Variants in B4GALNT4 observed in about 807,000 individuals in gnomAD.
B4GALNT4 encodes beta-1,4-N-acetyl-galactosaminyltransferase 4.
A neutral mutation model predicts 110.0 loss-of-function variants in B4GALNT4; 77 were observed. That is an observed-to-expected ratio of 0.70 (90% CI 0.58 to 0.85). The LOEUF (loss-of-function observed/expected upper bound fraction) is 0.85. Ranked by LOEUF, B4GALNT4 falls within the 40% of genes least tolerant of loss-of-function variation. The pLI, the probability that B4GALNT4 is intolerant of heterozygous loss-of-function variation, is 0.00. For synonymous variants in B4GALNT4, 785 were observed against 655.5 expected (o/e 1.20, Z -3.02); for missense variants, 1,575 against 1,506.0 (o/e 1.05, Z -0.76).
At chr11:377,759 G>C (rs939418291) in intron 14 of B4GALNT4, among the ~76,000 whole-genome samples, 2 of 152,224 alleles carry the variant, frequency 1.3e-5, no homozygotes, top group Non-Finnish European at 1.5e-5. Context: ...CTCTCCCCTC[G>C]CAGTGCCCCT....
chr11:376,368 C>A lies in B4GALNT4; in HGVS notation c.1297+17C>A, dbSNP rs1301351362. The A allele has an allele frequency of 3.7e-6, 6 of 1,604,990 alleles. No homozygotes were observed. Among genetic ancestry groups the A allele is most frequent in the Admixed American group, 3.4e-5 (2 of 59,336 alleles). ...ACCCGGACGGTGAGTGTCCGCAGCG[C>A]CCCTGGCCCGCACCCACCTGCGCAG... On this transcript the variant is annotated intron_variant, in intron 13 of 19. Transcript: ENST00000329962.
At chr11:370,883 C>T (rs1402983258) in intron 1 of B4GALNT4, among the ~76,000 whole-genome samples, 6 of 152,102 alleles carry the variant, frequency 3.9e-5, no homozygotes, top group Admixed American at 1.3e-4. Context: ...TGTACCGGGA[C>T]GCCTGGACCC....
At position 377,299 on chromosome 11, in the gene B4GALNT4, A is replaced by G. The variant is rs1469764174; in HGVS notation, c.2176A>G (p.Met726Val). Residue 726 changes from methionine to valine, a missense_variant, in exon 14 of 20, where the codon ATG becomes GTG. Transcript: ENST00000329962. The part of the protein sequence containing the change: ...AEAVDVTAQY[M>V]ERLNARHGGR... ...GGCCGTGGACGTGACCGCTCAGTAC[A>G]TGGAGCGGCTGAACGCGCGCCACGG... The G allele has an allele frequency of 3.8e-6, 6 of 1,568,998 alleles. No individual in the cohort carries two copies. The highest frequency in any genetic ancestry group is 5.2e-6 in the Non-Finnish European group (6 of 1,160,996).
At chr11:377,473 C>G (rs915256860) in intron 14 of B4GALNT4, 146 bp downstream of exon 14, 4 of 871,640 alleles carry the variant, frequency 4.6e-6, no homozygotes, top group Non-Finnish European at 6.4e-6. Context: ...GCGCCCCACC[C>G]CAGGGAAGCC....
At chr11:375,553 TG>T in intron 9 of B4GALNT4, 26 bp downstream of exon 9, 1 of 1,607,820 alleles carries the variant, frequency 6.2e-7, no homozygotes. Flanking sequence ...TCTGGGGATG[TG>T]GGGCTCCTCG....
chr11:374,339 C>T (rs572507386), intron 8 of B4GALNT4, among the ~76,000 whole-genome samples: 13 of 151,518 alleles, frequency 8.6e-5, no homozygotes, highest in Non-Finnish European at 1.6e-4. Flanking sequence ...AGGGAGGTGG[C>T]TGTGGGGATG....
At chr11:372,510 C>T in intron 2 of B4GALNT4, 152 bp from the exon 3 acceptor site, 1 of 752,504 alleles carries the variant, frequency 1.3e-6, no homozygotes, top group Non-Finnish European at 2.3e-6. Flanking sequence ...GTGCCAGGTG[C>T]CACAGGTCAG....
chr11:374,523 C>T (rs1846685667), intron 8 of B4GALNT4, among the ~76,000 whole-genome samples: 1 of 140,026 alleles, frequency 7.1e-6, no homozygotes, highest in Non-Finnish European at 1.6e-5. Context: ...CTGTGGAGGC[C>T]CCAGGATGAG....
At chr11:372,988 G>T (rs764807062) in intron 4 of B4GALNT4, 38 bp from the exon 5 acceptor site, 2 of 1,612,290 alleles carry the variant, frequency 1.2e-6, no homozygotes, top group Non-Finnish European at 1.7e-6. Context: ...GGCAGGGCAC[G>T]CAGGGGGCTT....
rs1846862318 is a variant in B4GALNT4, at chr11:380,871, G to A, written c.2916G>A (p.Ser972=). ...TTGGCCTTTTTGGGATCTACAAGTC[G>A]GACTTTGACCGGGTTGGAGGAATGA... ...NGFGLFGIYK[S]DFDRVGGMNT... The change falls in exon 19 of 20, where the codon TCG becomes TCA. Residue 972 remains serine (S), a synonymous_variant. Transcript: ENST00000329962. 3.7e-6 allele frequency: 6 copies of A among 1,613,796 alleles called. No homozygotes were observed. Among genetic ancestry groups the A allele is most frequent in the Non-Finnish European group, 4.2e-6 (5 of 1,179,882 alleles).
rs76591572 is a variant in B4GALNT4, at chr11:377,785, G to A, written c.2204+458G>A. Among the ~76,000 whole-genome samples the A allele has an allele frequency of 9.4e-3, 1,427 of 152,354 alleles. 27 individuals carry two copies. Among genetic ancestry groups the A allele is most frequent in the African/African-American group, 0.033 (1,384 of 41,580 alleles). ...CAGTGCCCCTGGGCGTTCCCAGACTGTCAGGACCCGACTGCAGAGGAAGGT... is the reference window on the plus strand; with the variant it reads ...CAGTGCCCCTGGGCGTTCCCAGACTATCAGGACCCGACTGCAGAGGAAGGT... On this transcript the variant is annotated intron_variant, in intron 14 of 19. Coordinates refer to ENST00000329962, the MANE Select transcript of B4GALNT4 (RefSeq NM_178537.5).
Position 373,807 on chromosome 11 carries a change from C to A in B4GALNT4, c.762C>A (p.Gly254=), listed in dbSNP as rs1239372985. The change falls in exon 8 of 20, where the codon GGC becomes GGA. Residue 254 remains glycine (G), a synonymous_variant. Transcript: ENST00000329962. ...FELLHKQDDR[G]SDHVEVGWRA... is the part of the protein sequence containing the mutation. ...TGCTGCACAAGCAGGACGACCGCGG[C>A]TCGGACCACGTGGAAGTGGGCGTGA... The A allele has an allele frequency of 6.2e-7, 1 of 1,612,020 alleles. No individual in the cohort carries two copies. The highest frequency in any genetic ancestry group is 8.5e-7 in the Non-Finnish European group (1 of 1,179,844).
Position 380,186 on chromosome 11 carries a change from G to A in B4GALNT4, c.2699G>A (p.Gly900Glu). 6 of 1,603,260 alleles carry A rather than the reference G, an allele frequency of 3.7e-6. No individual in the cohort carries two copies. The highest frequency in any genetic ancestry group is 5.1e-6 in the Non-Finnish European group (6 of 1,172,792). The change falls in exon 17 of 20, where the codon GGA becomes GAA. Residue 900 changes from glycine to glutamate, a missense_variant. By Grantham distance (98) the Gly-to-Glu change is moderately conservative. Coordinates refer to ENST00000329962, the MANE Select transcript of B4GALNT4 (RefSeq NM_178537.5). Reference sequence around the variant, plus strand: ...GAGCGCTCCGCCGGGCTGCAGGCGGGAGTGGACGCGGTAGAGGTCCGAGGG... The same window carrying A: ...GAGCGCTCCGCCGGGCTGCAGGCGGAAGTGGACGCGGTAGAGGTCCGAGGG... ...NFERSAGLQA[G>E]VDAVEDASSI...
chr11:370,937 A>G (rs943442442), intron 1 of B4GALNT4, among the ~76,000 whole-genome samples: 3 of 152,016 alleles, frequency 2.0e-5, no homozygotes, highest in Non-Finnish European at 4.4e-5. Flanking sequence ...CACATACCTC[A>G]CAGCTTCCAC....
intron 1 of B4GALNT4, among the ~76,000 whole-genome samples, chr11:371,583 A>C (rs1026711662): frequency 6.6e-5 from 10 of 152,368 alleles, no homozygotes; most frequent in Admixed American, 5.2e-4. Flanking sequence ...GGGCGTCAGC[A>C]TCCATGCCTG....
In B4GALNT4 at chr11:381,860, C is replaced by A; in HGVS notation, c.*68C>A. On this transcript the variant is annotated 3_prime_UTR_variant, in exon 20 of 20. Transcript: ENST00000329962. Reference sequence around the variant, plus strand: ...GCTGCTGGGGGCTGGGCTTTGAGCTCGGTCCCGAGAGACCCGGCAGGGCTG... The same window carrying A: ...GCTGCTGGGGGCTGGGCTTTGAGCTAGGTCCCGAGAGACCCGGCAGGGCTG... 6.8e-7 allele frequency: 1 copy of A among 1,464,560 alleles called. No homozygotes were observed. The highest frequency in any genetic ancestry group is 9.0e-7 in the Non-Finnish European group (1 of 1,106,800). The allele number at this position is 1,464,560 out of a possible 1,614,324, so 90.7% of individuals were successfully genotyped here. A position where few individuals can be genotyped will look rare whatever the true frequency, so the allele number is the denominator to read the frequency against.
At chr11:370,003 G>GTCGC (rs1846583300) in intron 1 of B4GALNT4, 49 bp downstream of exon 1, 1 of 140,764 alleles carries the variant, frequency 7.1e-6, no homozygotes, top group East Asian at 2.8e-4. Context: ...GCGGCGCGGG[G>GTCGC]GGCGCGGGGG....
At chr11:373,864 T>G in intron 8 of B4GALNT4, 36 bp downstream of exon 8, 1 of 1,595,100 alleles carries the variant, frequency 6.3e-7, no homozygotes, top group Non-Finnish European at 8.6e-7. Flanking sequence ...TTCTGGAGAC[T>G]CCACTCCCCC....
rs1403548932 is a variant in B4GALNT4 at position 372,197 on chromosome 11, T to C, written c.240T>C (p.Arg80=). The C allele has an allele frequency of 6.5e-7, 1 of 1,549,904 alleles. No individual in the cohort carries two copies. The highest frequency in any genetic ancestry group is 1.4e-5 in the African/African-American group (1 of 72,966). The change falls in exon 2 of 20, where the codon CGT becomes CGC. Residue 80 remains arginine (R), a synonymous_variant. Transcript: ENST00000329962. ...TQRAEDSSES[R]EEEQAPEGRD... is the part of the protein sequence containing the mutation. ...GGGCTGAGGACTCCAGTGAGAGCCGTGAAGAGGAGCAAGCGGTGAGCAGAG... is the reference window on the plus strand; with the variant it reads ...GGGCTGAGGACTCCAGTGAGAGCCGCGAAGAGGAGCAAGCGGTGAGCAGAG...
Sources: allele counts gnomAD v4.1 joint callset (sites outside exome capture counted in the v4.1 genomes callset), GRCh38; gene constraint gnomAD v4.1.1; transcripts MANE v1.5; gene names NCBI Gene and HGNC (gene_info 2026-07-23, HGNC 2026-07-21).